The following OXR1 variants were observed in gnomAD, a reference collection of about 807,000 sequenced individuals.
OXR1 encodes the protein oxidation resistance protein 1.
In OXR1, 41 loss-of-function variants were observed where a neutral mutation model predicts 104.6. That is an observed-to-expected ratio of 0.39 (90% CI 0.31 to 0.51). The LOEUF is 0.51. OXR1 is among the 20% of genes least tolerant of loss of function. OXR1 has a pLI of 0.77. For synonymous variants in OXR1, 348 were observed against 348.4 expected (o/e 1.00, Z 0.01); for missense variants, 955 against 1,031.9 (o/e 0.93, Z 1.02).
intron 3 of OXR1, among the ~76,000 whole-genome samples, chr8:106,531,573 T>A (rs1814095842): frequency 6.6e-6 from 1 of 152,172 alleles, no homozygotes; most frequent in Non-Finnish European, 1.5e-5. Flanking sequence ...AGATAAAATA[T>A]CATAGGTGCC....
At chr8:106,694,181 TAAATG>T (rs1829591441) in intron 7 of OXR1, among the ~76,000 whole-genome samples, 1 of 151,680 alleles carries the variant, frequency 6.6e-6, no homozygotes, top group African/African-American at 2.4e-5. Context: ...TATGTTTTAA[TAAATG>T]TAATGTGTGC....
At position 106,477,550 on chromosome 8, in the gene OXR1, T is replaced by C. The variant is rs1041447715; in HGVS notation, c.24-41393T>C. Among the ~76,000 whole-genome samples the C allele has an allele frequency of 2.0e-5, 3 of 152,000 alleles. No homozygotes were observed. In the South Asian group the frequency reaches 6.2e-4, roughly 31 times the overall value. On this transcript the variant is annotated intron_variant, in intron 2 of 16. Transcript: ENST00000517566. ...AAATTTCAACTTTTATAATAGATGGTGTATATTTTATGGTAATAAATGATA... is the reference window on the plus strand; with the variant it reads ...AAATTTCAACTTTTATAATAGATGGCGTATATTTTATGGTAATAAATGATA...
At chr8:106,506,255 G>T (rs1812148816) in intron 2 of OXR1, among the ~76,000 whole-genome samples, 1 of 152,272 alleles carries the variant, frequency 6.6e-6, no homozygotes, top group Middle Eastern at 3.4e-3. Flanking sequence ...GCATGTAATG[G>T]ATAATGCCAA....
chr8:106,499,937 G>A (rs1044829876), intron 2 of OXR1, among the ~76,000 whole-genome samples: 5 of 152,220 alleles, frequency 3.3e-5, no homozygotes, highest in African/African-American at 7.2e-5. Context: ...TCTGTGGCCT[G>A]TGACGCTGAG....
At chr8:106,309,993 A>G (rs1813630563) in intron 1 of OXR1, among the ~76,000 whole-genome samples, 1 of 151,742 alleles carries the variant, frequency 6.6e-6, no homozygotes, top group African/African-American at 2.4e-5. Flanking sequence ...GATTCTGAAT[A>G]TCTTCATTTT....
intron 3 of OXR1, among the ~76,000 whole-genome samples, chr8:106,585,710 A>G (rs988498870): frequency 3.9e-5 from 6 of 152,184 alleles, no homozygotes; most frequent in African/African-American, 1.4e-4. Context: ...GATGTGTCAC[A>G]ATCTTTAATG....
intron 2 of OXR1, among the ~76,000 whole-genome samples, chr8:106,460,643 G>A (rs1054580663): frequency 6.6e-6 from 1 of 152,130 alleles, no homozygotes; most frequent in African/African-American, 2.4e-5. Flanking sequence ...TTTTATAAAA[G>A]TAAGTTAATA....
intron 2 of OXR1, among the ~76,000 whole-genome samples, chr8:106,505,433 C>T (rs757242770): frequency 1.3e-5 from 2 of 152,182 alleles, no homozygotes; most frequent in Non-Finnish European, 2.9e-5. Context: ...CTAAAAGACA[C>T]TCCCCATCAG....
chr8:106,311,391 G>T (rs914097241), intron 1 of OXR1, among the ~76,000 whole-genome samples: 3 of 152,046 alleles, frequency 2.0e-5, no homozygotes, highest in African/African-American at 7.2e-5. Flanking sequence ...TAGATAACTG[G>T]TATTTATGTG....
chr8:106,569,122 T>C (rs1161836852), intron 3 of OXR1, among the ~76,000 whole-genome samples: 1 of 152,140 alleles, frequency 6.6e-6, no homozygotes, highest in Non-Finnish European at 1.5e-5. Context: ...AATGATCACA[T>C]AGTATTCTAC....
chr8:106,314,567 A>G (rs1416573222), intron 1 of OXR1, among the ~76,000 whole-genome samples: 1 of 152,206 alleles, frequency 6.6e-6, no homozygotes, highest in African/African-American at 2.4e-5. Flanking sequence ...TATGGAATGA[A>G]TCATCCAGAT....
intron 8 of OXR1, among the ~76,000 whole-genome samples, chr8:106,705,640 T>G (rs1831071767): frequency 6.6e-6 from 1 of 152,176 alleles, no homozygotes; most frequent in South Asian, 2.1e-4. Flanking sequence ...CAACTTACAT[T>G]TCATGGTATA....
chr8:106,667,346 C>G (rs1826446185), intron 3 of OXR1, among the ~76,000 whole-genome samples: 1 of 152,200 alleles, frequency 6.6e-6, no homozygotes, highest in African/African-American at 2.4e-5. Flanking sequence ...CAATCAAACT[C>G]TTGCTGAATT....
In OXR1 at chr8:106,697,652, TC is replaced by T. The variant is rs1830182952; in HGVS notation, c.675+4776del. On this transcript the variant is annotated intron_variant, in intron 7 of 16. Transcript: ENST00000517566. ...AGCGTCCGCTGCACACAGGCCATGT[TC>T]TTTCCTTCCCAGAGGTCCACAGTTT... is the stretch of plus-strand genomic sequence containing the variant. 3 of 1,614,020 alleles carry T rather than the reference TC, an allele frequency of 1.9e-6. No individual in the cohort carries two copies. The South Asian group carries it at 3.3e-5, about 18-fold the overall frequency.
intron 2 of OXR1, among the ~76,000 whole-genome samples, chr8:106,398,596 G>T (rs949379397): frequency 6.6e-6 from 1 of 152,150 alleles, no homozygotes; most frequent in African/African-American, 2.4e-5. Context: ...TGTGTGTAAG[G>T]TTCAAGCACA....
At chr8:106,502,348 G>A (rs1811867841) in intron 2 of OXR1, among the ~76,000 whole-genome samples, 1 of 152,166 alleles carries the variant, frequency 6.6e-6, no homozygotes, top group South Asian at 2.1e-4. Context: ...ATGAAAATCT[G>A]TTCGTCTGCT....
intron 1 of OXR1, among the ~76,000 whole-genome samples, chr8:106,335,486 G>A (rs896978913): frequency 6.6e-6 from 1 of 152,184 alleles, no homozygotes; most frequent in Non-Finnish European, 1.5e-5. Flanking sequence ...TGGGTATCCA[G>A]AATTAAATAC....
chr8:106,433,035 C>T (rs2167799), intron 2 of OXR1, among the ~76,000 whole-genome samples: 5 of 151,888 alleles, frequency 3.3e-5, no homozygotes, highest in African/African-American at 1.2e-4. Flanking sequence ...TATGAAGACA[C>T]GAGAATTGCA....
chr8:106,496,505 C>A (rs1426631516), intron 2 of OXR1, among the ~76,000 whole-genome samples: 2 of 152,192 alleles, frequency 1.3e-5, no homozygotes, highest in South Asian at 2.1e-4. Context: ...AATCCAGGAA[C>A]CTGGTTGACA....
Sources: gnomAD v4.1 joint callset for allele counts (sites outside exome capture counted in the v4.1 genomes callset) on GRCh38, gnomAD v4.1.1 for gene constraint, MANE v1.5 for transcripts, NCBI Gene and HGNC (gene_info 2026-07-23, HGNC 2026-07-21) for gene names.